Variants in STON2 observed in about 807,000 individuals in gnomAD.
STON2 encodes the protein stonin-2.
Under a neutral mutation model 65.7 loss-of-function variants are expected in STON2, and 29 were observed. That is an observed-to-expected ratio of 0.44 (90% CI 0.33 to 0.60). STON2 has a LOEUF of 0.60. Ranked by LOEUF, STON2 falls within the 20% of genes least tolerant of loss-of-function variation. The pLI is 0.03. For missense variants in STON2, 1,054 were observed against 1,118.1 expected, an observed-to-expected ratio of 0.94 and a Z score of 0.82; for synonymous variants, 404 against 414.2, an observed-to-expected ratio of 0.98 and a Z score of 0.30.
rs56269329 is a variant in STON2, at chr14:81,265,647, GTAA to G, written c.*2764_*2766del. The G allele has an allele frequency of 5.6e-3, 2,025 of 361,056 alleles. No homozygotes were observed. Among genetic ancestry groups the G allele is most frequent in the Middle Eastern group, 6.9e-3 (5 of 724 alleles). The allele number at this position is 361,056 out of a possible 1,614,324, so 22.4% of individuals were successfully genotyped here. On this transcript the variant is annotated 3_prime_UTR_variant, in exon 8 of 8. Coordinates refer to ENST00000614646, the MANE Select transcript of STON2 (RefSeq NM_001394390.1). ...GCGACAAGAGCGAAACTTTGTCTCA[GTAA>G]TAATAATAATAATAATAATAATAAT... is the stretch of plus-strand genomic sequence containing the variant.
At chr14:81,404,294 T>G (rs552597673), upstream of STON2, among the ~76,000 whole-genome samples, 172 of 152,312 alleles carry the variant, frequency 1.1e-3, 1 homozygote, top group Non-Finnish European at 1.8e-3. Flanking sequence ...AATGAGTTGT[T>G]CCTTAAGTGT....
Position 81,268,125 on chromosome 14 carries a change from G to A in STON2, c.*289C>T, listed in dbSNP as rs1252882064. 2 of 1,059,384 alleles carry A rather than the reference G, an allele frequency of 1.9e-6. No homozygotes were observed. The highest frequency in any genetic ancestry group is 3.4e-5 in the African/African-American group (2 of 58,774). The allele number at this position is 1,059,384 out of a possible 1,614,324, so 65.6% of individuals were successfully genotyped here. ...ACATACCAGTGCTGTGAGATAAGCAGAGACAAGACAAGGAGGCTTAATTAT... is the reference window on the plus strand; with the variant it reads ...ACATACCAGTGCTGTGAGATAAGCAAAGACAAGACAAGGAGGCTTAATTAT... On this transcript the variant is annotated 3_prime_UTR_variant, in exon 8 of 8. Transcript: ENST00000614646.
chr14:81,262,009 T>C lies in STON2; in HGVS notation c.*6405A>G. On this transcript the variant is annotated 3_prime_UTR_variant, in exon 8 of 8. Transcript: ENST00000614646. ...AAGATGGACCAGGTGATTTTTCCAA[T>C]CTTCAAAATTTAAATTTCTTGGTTC... is the stretch of plus-strand genomic sequence containing the variant. 7.3e-7 allele frequency: 1 copy of C among 1,367,540 alleles called. No homozygotes were observed. Among genetic ancestry groups the C allele is most frequent in the Non-Finnish European group, 9.4e-7 (1 of 1,065,180 alleles). 84.7% of individuals were successfully genotyped at this position (1,367,540 alleles called of 1,614,324 possible).
rs749416797 is a variant in STON2, at chr14:81,278,785, G to A, written c.743-46C>T. 16 of 1,443,258 alleles carry A rather than the reference G, an allele frequency of 1.1e-5. No homozygotes were observed. The Admixed American group carries it at 3.7e-4, about 33-fold the overall frequency. The allele number at this position is 1,443,258 out of a possible 1,614,324, so 89.4% of individuals were successfully genotyped here. ...TATGAGCTACTGTTCAGGGGCTCTA[G>A]AGGTAAGGAAAACTGAAGTATAGGA... On this transcript the variant is annotated intron_variant, in intron 5 of 7. Transcript: ENST00000614646.
chr14:81,413,425 T>G (rs1340440913), intron 2 of STON2, among the ~76,000 whole-genome samples: 4 of 140,650 alleles, frequency 2.8e-5, no homozygotes, highest in Non-Finnish European at 4.5e-5. Flanking sequence ...ATTAGCAAAA[T>G]AGCCTACATC....
chr14:81,326,075 G>A (rs1289059449), intron 4 of STON2, among the ~76,000 whole-genome samples: 1 of 152,158 alleles, frequency 6.6e-6, no homozygotes, highest in Non-Finnish European at 1.5e-5. Context: ...CAGATCGAGA[G>A]AGCAACCTCA....
intron 4 of STON2, among the ~76,000 whole-genome samples, chr14:81,332,328 T>C (rs1460940809): frequency 6.6e-6 from 1 of 152,238 alleles, no homozygotes; most frequent in Non-Finnish European, 1.5e-5. Flanking sequence ...TTTTAAAATG[T>C]CTAAGATTTT....
chr14:81,294,339 T>C (rs1895677980), intron 5 of STON2, among the ~76,000 whole-genome samples: 1 of 152,226 alleles, frequency 6.6e-6, no homozygotes, highest in South Asian at 2.1e-4. Flanking sequence ...TTTCCATCTT[T>C]GGCCTAGGTC....
At chr14:81,432,675 A>C (rs1033187445) in intron 1 of STON2, among the ~76,000 whole-genome samples, 3 of 152,218 alleles carry the variant, frequency 2.0e-5, no homozygotes, top group African/African-American at 7.2e-5. Context: ...AAAATTACAA[A>C]GGGATGGGAC....
chr14:81,366,753 G>A (rs1898750514), intron 4 of STON2, among the ~76,000 whole-genome samples: 1 of 151,968 alleles, frequency 6.6e-6, no homozygotes, highest in Non-Finnish European at 1.5e-5. Flanking sequence ...AGCTTTCTTT[G>A]GGGGTAACAG....
intron 6 of STON2, among the ~76,000 whole-genome samples, chr14:81,275,535 G>A (rs144552463): frequency 0.011 from 1,656 of 152,204 alleles, 26 homozygotes; most frequent in African/African-American, 0.037. Flanking sequence ...GAGGGGCCCC[G>A]TGGATAAGGT....
chr14:81,317,682 C>T (rs1896675229), intron 5 of STON2, among the ~76,000 whole-genome samples: 1 of 152,144 alleles, frequency 6.6e-6, no homozygotes, highest in South Asian at 2.1e-4. Context: ...GGAAAAGGTC[C>T]CAGTGTTCAG....
intron 3 of STON2, among the ~76,000 whole-genome samples, chr14:81,387,601 T>C (rs1899874800): frequency 6.6e-6 from 1 of 152,122 alleles, no homozygotes; most frequent in African/African-American, 2.4e-5. Flanking sequence ...ACAAAGGCTT[T>C]TGTCAGGCCA....
intron 1 of STON2, chr14:81,427,317 T>C (rs1167727205): frequency 6.6e-6 from 1 of 152,196 alleles, no homozygotes; most frequent in Admixed American, 6.6e-5. Flanking sequence ...GGGTGCATAT[T>C]CTCTACCCTC....
At position 81,373,999 on chromosome 14, in the gene STON2, C is replaced by CTTTTTTTTTTTT. The variant is rs57877137; in HGVS notation, c.374-2826_374-2815dup. Among the ~76,000 whole-genome samples the CTTTTTTTTTTTT allele has an allele frequency of 1.2e-4, 7 of 60,468 alleles. 2 individuals are homozygous for CTTTTTTTTTTTT. Among genetic ancestry groups the CTTTTTTTTTTTT allele is most frequent in the African/African-American group, 5.7e-4 (7 of 12,312 alleles). 39.7% of individuals were successfully genotyped at this position (60,468 alleles called of 152,430 possible). A position where few individuals can be genotyped will look rare whatever the true frequency, so the allele number is the denominator to read the frequency against. ...GGAAAAGCAAATACTATAATAATGCCTTTTTTTTTTTTTTTTTTTTTTTTT... is the reference window on the plus strand; with the variant it reads ...GGAAAAGCAAATACTATAATAATGCCTTTTTTTTTTTTTTTTTTTTTTTTTTTTTTTTTTTTT... On this transcript the variant is annotated intron_variant, in intron 3 of 7. Transcript: ENST00000614646.
chr14:81,292,232 G>C (rs1036063776), intron 5 of STON2, among the ~76,000 whole-genome samples: 1 of 152,160 alleles, frequency 6.6e-6, no homozygotes, highest in Admixed American at 6.5e-5. Context: ...ACAACTGCTG[G>C]AGTTGCTGCC....
At position 81,355,951 on chromosome 14, in the gene STON2, A is replaced by C. The variant is rs536461982; in HGVS notation, c.571+15037T>G. Among the ~76,000 whole-genome samples, 505 of 152,282 alleles carry C rather than the reference A, an allele frequency of 3.3e-3. 4 individuals carry two copies. The highest frequency in any genetic ancestry group is 0.012 in the African/African-American group (480 of 41,556). ...CTAGATATACAATCATGTCGTCTGCAAACAGGGACAATTTGACTTCCTCTT... is the reference window on the plus strand; with the variant it reads ...CTAGATATACAATCATGTCGTCTGCCAACAGGGACAATTTGACTTCCTCTT... On this transcript the variant is annotated intron_variant, in intron 4 of 7. Transcript: ENST00000614646.
chr14:81,297,611 T>C (rs1885604), intron 5 of STON2, among the ~76,000 whole-genome samples: 125,297 of 152,264 alleles, frequency 0.82, 51,851 homozygotes, highest in African/African-American at 0.89. Context: ...GCATGCTATA[T>C]GATTTAAATT....
intron 3 of STON2, among the ~76,000 whole-genome samples, chr14:81,380,180 C>T (rs920972745): frequency 1.3e-5 from 2 of 152,040 alleles, no homozygotes; most frequent in African/African-American, 4.8e-5. Context: ...TGGGCAAAGG[C>T]CATGAACAGA....
Sources: gnomAD v4.1 joint callset for allele counts (sites outside exome capture counted in the v4.1 genomes callset) on GRCh38, gnomAD v4.1.1 for gene constraint, MANE v1.5 for transcripts, NCBI Gene and HGNC (gene_info 2026-07-23, HGNC 2026-07-21) for gene names.